The following SLC26A7 variants were observed in gnomAD, a reference collection of about 807,000 sequenced individuals.
The protein encoded by SLC26A7 is solute carrier family 26 member 7, also known as anion exchange transporter.
SLC26A7 carries 59 observed loss-of-function variants against 82.5 expected under a neutral mutation model. The observed-to-expected ratio is 0.72, with a 90% CI of 0.58 to 0.89. SLC26A7 has a LOEUF of 0.89. Ranked by LOEUF, SLC26A7 falls within the 40% of genes least tolerant of loss-of-function variation. SLC26A7 has a pLI of 0.00. For missense variants in SLC26A7, 820 were observed against 793.0 expected, an observed-to-expected ratio of 1.03 and a Z score of -0.41; for synonymous variants, 271 against 274.3, an observed-to-expected ratio of 0.99 and a Z score of 0.12.
chr8:91,261,459 G>C (rs1810962825), intron 2 of SLC26A7, among the ~76,000 whole-genome samples: 1 of 151,986 alleles, frequency 6.6e-6, no homozygotes, highest in Non-Finnish European at 1.5e-5. Context: ...TTTTTGCCTT[G>C]AGTAGATTGT....
rs556913173 is a variant in SLC26A7, at chr8:91,338,090, A to C, written c.796-60A>C. The C allele has an allele frequency of 1.3e-5, 16 of 1,190,874 alleles. No homozygotes were observed. The East Asian group carries it at 3.6e-4, about 27-fold the overall frequency. The allele number at this position is 1,190,874 out of a possible 1,614,324, so 73.8% of individuals were successfully genotyped here. On this transcript the variant is annotated intron_variant, in intron 6 of 18. Transcript: ENST00000276609. ...AATGTTTACTTTTAAAAATTGTTTT[A>C]AGGTGTTTGAGAGGTCAGTAATGTA...
upstream of SLC26A7, among the ~76,000 whole-genome samples, chr8:91,247,060 G>A (rs553096160): frequency 2.0e-5 from 3 of 152,306 alleles, no homozygotes; most frequent in African/African-American, 7.2e-5. Context: ...AAGCTAGTGA[G>A]TAGAAGGTGG....
chr8:91,293,690 C>T (rs1257449549), intron 3 of SLC26A7, among the ~76,000 whole-genome samples: 1 of 152,158 alleles, frequency 6.6e-6, no homozygotes, highest in African/African-American at 2.4e-5. Context: ...CTCCAAATCC[C>T]AGGAAAAACA....
In SLC26A7 at chr8:91,283,098, T is replaced by G. The variant is rs542737545; in HGVS notation, c.194-6038T>G. On this transcript the variant is annotated intron_variant, in intron 2 of 18. Transcript: ENST00000276609. ...ATGTGAGCTAAAAACATTCTAGAAC[T>G]TTTGTGTAAGGAAAACTCGACTTTT... Among the ~76,000 whole-genome samples, 17 of 152,328 alleles carry G rather than the reference T, an allele frequency of 1.1e-4. 1 individual carries two copies. In the South Asian group the frequency reaches 2.5e-3, roughly 22 times the overall value.
intron 2 of SLC26A7, among the ~76,000 whole-genome samples, chr8:91,264,518 T>C (rs1313820903): frequency 6.6e-6 from 1 of 151,976 alleles, no homozygotes; most frequent in African/African-American, 2.4e-5. Flanking sequence ...CCACTCCTTA[T>C]ACCTGAGCCT....
intron 11 of SLC26A7, among the ~76,000 whole-genome samples, chr8:91,361,276 C>A (rs1814043086): frequency 6.6e-6 from 1 of 151,984 alleles, no homozygotes; most frequent in Admixed American, 6.6e-5. Flanking sequence ...ACAAAAAGAG[C>A]CCTTTAGAAA....
chr8:91,255,231 T>C (rs1307053665), intron 2 of SLC26A7, among the ~76,000 whole-genome samples: 2 of 152,138 alleles, frequency 1.3e-5, no homozygotes, highest in Non-Finnish European at 2.9e-5. Flanking sequence ...GGTTGCCTGA[T>C]GTTCAAACCA....
intron 2 of SLC26A7, among the ~76,000 whole-genome samples, chr8:91,288,514 G>T (rs940132803): frequency 6.6e-6 from 1 of 152,136 alleles, no homozygotes; most frequent in Non-Finnish European, 1.5e-5. Context: ...CTTACTCCTT[G>T]AGTAAGAAAA....
At chr8:91,253,349 A>T (rs1365210828) in intron 2 of SLC26A7, among the ~76,000 whole-genome samples, 2 of 152,094 alleles carry the variant, frequency 1.3e-5, no homozygotes, top group Non-Finnish European at 2.9e-5. Context: ...ACCAGCTGCC[A>T]GGTTCTTTTG....
At chr8:91,394,633 G>A in intron 18 of SLC26A7, 1 of 1,140,304 alleles carries the variant, frequency 8.8e-7, no homozygotes, top group South Asian at 2.9e-5. Flanking sequence ...GTGCCTCGCA[G>A]AGTCATCCCT....
At chr8:91,231,694 A>C (rs1028149117) in intron 2 of SLC26A7, among the ~76,000 whole-genome samples, 1 of 151,942 alleles carries the variant, frequency 6.6e-6, no homozygotes, top group Non-Finnish European at 1.5e-5. Flanking sequence ...AAACTGTAAG[A>C]AAAAAAATGG....
At chr8:91,273,180 G>A (rs1268729335) in intron 2 of SLC26A7, among the ~76,000 whole-genome samples, 1 of 152,046 alleles carries the variant, frequency 6.6e-6, no homozygotes, top group Non-Finnish European at 1.5e-5. Context: ...ATATTGTTTT[G>A]TTGTTATGGA....
chr8:91,250,143 C>T (rs948059631), intron 2 of SLC26A7, among the ~76,000 whole-genome samples: 1 of 152,076 alleles, frequency 6.6e-6, no homozygotes. Flanking sequence ...GTTTTTATAA[C>T]ATGATCTTAT....
At chr8:91,388,371 C>T (rs1248713795) in intron 15 of SLC26A7, among the ~76,000 whole-genome samples, 1 of 152,142 alleles carries the variant, frequency 6.6e-6, no homozygotes, top group African/African-American at 2.4e-5. Flanking sequence ...CTCAGCCTCC[C>T]GAGCGGGATT....
chr8:91,238,228 T>C (rs1356030951), intron 2 of SLC26A7, among the ~76,000 whole-genome samples: 2 of 152,168 alleles, frequency 1.3e-5, no homozygotes, highest in Non-Finnish European at 2.9e-5. Context: ...TATTTCACTT[T>C]CCTCATCTGA....
chr8:91,270,658 G>C (rs998531017), intron 2 of SLC26A7, among the ~76,000 whole-genome samples: 5 of 152,276 alleles, frequency 3.3e-5, no homozygotes, highest in African/African-American at 1.2e-4. Context: ...AAATAGGTAA[G>C]CTGAGTACTT....
chr8:91,216,933 C>T (rs1810059154), intron 1 of SLC26A7, among the ~76,000 whole-genome samples: 1 of 152,112 alleles, frequency 6.6e-6, no homozygotes, highest in Admixed American at 6.6e-5. Flanking sequence ...AGTTCACCCT[C>T]CCCGAAATGT....
intron 3 of SLC26A7, among the ~76,000 whole-genome samples, chr8:91,294,392 T>C (rs1811958697): frequency 6.6e-6 from 1 of 152,110 alleles, no homozygotes; most frequent in African/African-American, 2.4e-5. Flanking sequence ...TTTTTCTGAA[T>C]CCATAGCATG....
At chr8:91,352,695 T>G (rs1400563918) in intron 10 of SLC26A7, among the ~76,000 whole-genome samples, 1 of 152,092 alleles carries the variant, frequency 6.6e-6, no homozygotes, top group Non-Finnish European at 1.5e-5. Context: ...AATATTACCT[T>G]ATGAATTCTA....
Sources: gnomAD v4.1 joint callset for allele counts (sites outside exome capture counted in the v4.1 genomes callset) on GRCh38, gnomAD v4.1.1 for gene constraint, MANE v1.5 for transcripts, NCBI Gene and HGNC (gene_info 2026-07-23, HGNC 2026-07-21) for gene names.